The following POLR2F variants were observed in gnomAD, a reference collection of about 807,000 sequenced individuals.
POLR2F encodes RNA polymerase II, I and III subunit F.
In POLR2F, 12 loss-of-function variants were observed where a neutral mutation model predicts 22.7. The observed-to-expected ratio is 0.53, with a 90% CI of 0.34 to 0.86. The LOEUF (loss-of-function observed/expected upper bound fraction) is 0.86, where lower values mean the gene tolerates loss of function less well. Among genes scored for constraint, POLR2F ranks in the 40% least tolerant of loss-of-function variants. The pLI is 0.02. For missense variants in POLR2F, 126 were observed against 171.5 expected, an observed-to-expected ratio of 0.73 and a Z score of 1.48; for synonymous variants, 57 against 66.0, an observed-to-expected ratio of 0.86 and a Z score of 0.66.
intron 1 of POLR2F, among the ~76,000 whole-genome samples, chr22:37,991,761 C>T (rs1371861584): frequency 6.6e-6 from 1 of 152,162 alleles, no homozygotes; most frequent in Non-Finnish European, 1.5e-5. Flanking sequence ...GGTGACTACT[C>T]AGTGTCAGGC....
intron 1 of POLR2F, among the ~76,000 whole-genome samples, chr22:38,004,084 G>A (rs192389415): frequency 5.6e-4 from 85 of 152,228 alleles, no homozygotes; most frequent in African/African-American, 2.0e-3. Context: ...AAGCTCCTCA[G>A]CTAAAAAAAT....
rs1468884214 is a variant in POLR2F, at chr22:37,986,961, G to C, written c.120+649G>C. 1 of 453,222 alleles carries C rather than the reference G, an allele frequency of 2.2e-6. No homozygotes were observed. Among genetic ancestry groups the C allele is most frequent in the African/African-American group, 2.0e-5 (1 of 49,996 alleles). The allele number at this position is 453,222 out of a possible 1,614,324, so 28.1% of individuals were successfully genotyped here. ...CCCCAGCAGGACAACAGGAGGGCCA[G>C]TGTCACCTTCTCCTCCTTTCCCTGC... On this transcript the variant is annotated intron_variant, in intron 1 of 2. Coordinates refer to the POLR2F transcript ENST00000333418. This position sits in a 1 kb window ranked among gnomAD's most constrained non-coding sequence, Gnocchi z 4.7.
At chr22:38,024,356 G>A (rs2084987985) in intron 1 of POLR2F, among the ~76,000 whole-genome samples, 1 of 152,154 alleles carries the variant, frequency 6.6e-6, no homozygotes, top group South Asian at 2.1e-4. Flanking sequence ...CATTTGGGTT[G>A]TTTCTACTTT....
At chr22:37,955,928 A>C (rs1416001420) in intron 1 of POLR2F, among the ~76,000 whole-genome samples, 2 of 151,700 alleles carry the variant, frequency 1.3e-5, no homozygotes, top group African/African-American at 4.8e-5. Flanking sequence ...CAAGTGATGC[A>C]CCCACCTCGG....
At chr22:37,963,094 C>T (rs1931713768) in intron 3 of POLR2F, among the ~76,000 whole-genome samples, 1 of 152,040 alleles carries the variant, frequency 6.6e-6, no homozygotes, top group Admixed American at 6.6e-5. Flanking sequence ...TCAAGTGATT[C>T]TCCAACCTGA....
chr22:38,002,432 T>C (rs184615380), intron 1 of POLR2F, among the ~76,000 whole-genome samples: 1 of 152,214 alleles, frequency 6.6e-6, no homozygotes, highest in Non-Finnish European at 1.5e-5. Context: ...AAGAGTCTTA[T>C]AAAGTGTCCA....
At chr22:38,031,596 C>T (rs574323372), downstream of POLR2F, among the ~76,000 whole-genome samples, 2 of 152,310 alleles carry the variant, frequency 1.3e-5, no homozygotes, top group African/African-American at 4.8e-5. The surrounding 1 kb of genome is among the most constrained non-coding windows in gnomAD (Gnocchi z 4.1). Context: ...AGCACCAACA[C>T]CCTGTCCCAG....
chr22:37,958,918 T>A (rs141361284), intron 2 of POLR2F, among the ~76,000 whole-genome samples: 13 of 152,352 alleles, frequency 8.5e-5, no homozygotes, highest in African/African-American at 3.1e-4. Flanking sequence ...TTCTAGCCAC[T>A]TGGCCCATTG....
chr22:38,001,351 T>G (rs2084767834), intron 1 of POLR2F, among the ~76,000 whole-genome samples: 1 of 152,152 alleles, frequency 6.6e-6, no homozygotes. Flanking sequence ...TACAGAAGTA[T>G]CTTATAGAGA....
intron 3 of POLR2F, among the ~76,000 whole-genome samples, chr22:37,960,571 G>A (rs1165623961): frequency 6.6e-6 from 1 of 151,414 alleles, no homozygotes; most frequent in African/African-American, 2.4e-5. Flanking sequence ...CTAGCTTTTT[G>A]TATTTTTAGT....
upstream of POLR2F, among the ~76,000 whole-genome samples, chr22:37,982,977 A>T (rs1474135631): frequency 6.6e-6 from 1 of 152,060 alleles, no homozygotes; most frequent in East Asian, 1.9e-4. Context: ...GTTCTTTCCA[A>T]GCGTTTCCCT....
chr22:37,983,710 C>T, upstream of POLR2F: 2 of 1,501,612 alleles, frequency 1.3e-6, no homozygotes, highest in East Asian at 5.1e-5. The surrounding 1 kb of genome is among the most constrained non-coding windows in gnomAD (Gnocchi z 9.5). Context: ...GCGCGCTCCC[C>T]GGGGACAGGC....
chr22:38,037,439 A>ATTTTT (rs10624395), intron 5 of POLR2F, among the ~76,000 whole-genome samples: 2 of 124,204 alleles, frequency 1.6e-5, no homozygotes, highest in Non-Finnish European at 3.3e-5. Flanking sequence ...ATGCTCGGCT[A>ATTTTT]TTTTTTTTTT....
At chr22:37,993,961 C>G (rs1167229921) in intron 1 of POLR2F, among the ~76,000 whole-genome samples, 1 of 152,204 alleles carries the variant, frequency 6.6e-6, no homozygotes, top group East Asian at 1.9e-4. Flanking sequence ...TGCACTCCAG[C>G]CTGGGCGACA....
At chr22:37,971,087 G>C, downstream of POLR2F, 1 of 374,376 alleles carries the variant, frequency 2.7e-6, no homozygotes, top group South Asian at 2.0e-5. Context: ...CTAGGGGCTG[G>C]AGACCGCAGA....
intron 1 of POLR2F, chr22:38,025,586 TG>T: frequency 1.3e-6 from 2 of 1,510,238 alleles, no homozygotes; most frequent in Non-Finnish European, 1.8e-6. Flanking sequence ...CAGACTTCTC[TG>T]GGGGCTGGAA....
intron 3 of POLR2F, 121 bp downstream of exon 3, chr22:37,959,597 G>A: frequency 8.6e-7 from 1 of 1,166,336 alleles, no homozygotes; most frequent in Non-Finnish European, 1.2e-6. Context: ...TCCAAAAGTG[G>A]TGCCGTCCCT....
intron 4 of POLR2F, among the ~76,000 whole-genome samples, chr22:37,979,271 T>C (rs1932320195): frequency 6.6e-6 from 1 of 151,650 alleles, no homozygotes; most frequent in Non-Finnish European, 1.5e-5. Flanking sequence ...CTAATTTTTG[T>C]ATTTTTAGTA....
At chr22:37,994,144 C>T (rs2084688904) in intron 1 of POLR2F, among the ~76,000 whole-genome samples, 1 of 152,168 alleles carries the variant, frequency 6.6e-6, no homozygotes. Context: ...CCGGGAAAAC[C>T]TCTTCCCTTT....
Sources: allele counts gnomAD v4.1 joint callset (sites outside exome capture counted in the v4.1 genomes callset), GRCh38; gene constraint gnomAD v4.1.1; non-coding constraint Gnocchi (gnomAD v3.1); transcripts MANE v1.5; gene names NCBI Gene and HGNC (gene_info 2026-07-23, HGNC 2026-07-21).